The following ZBTB40 variants were observed in gnomAD, a reference collection of about 807,000 sequenced individuals.
The protein encoded by ZBTB40 is zinc finger and BTB domain-containing protein 40.
In ZBTB40, 60 loss-of-function variants were observed where a neutral mutation model predicts 117.5. That is an observed-to-expected ratio of 0.51 (90% CI 0.41 to 0.63). The LOEUF is 0.63. Ranked by LOEUF, ZBTB40 falls within the 30% of genes least tolerant of loss-of-function variation. The pLI is 0.00. For synonymous variants in ZBTB40, 525 were observed against 577.1 expected (o/e 0.91, Z 1.29); for missense variants, 1,287 against 1,498.5 (o/e 0.86, Z 2.33).
chr1:22,512,829 C>T, intron 11 of ZBTB40, 95 bp from the exon 12 acceptor site: 1 of 1,417,296 alleles, frequency 7.1e-7, no homozygotes, highest in Non-Finnish European at 9.9e-7. Context: ...CCTCTGGAGG[C>T]CTGGGCTGAG....
At chr1:22,437,394 G>A (rs1640683044) in intron 1 of ZBTB40, among the ~76,000 whole-genome samples, 1 of 150,180 alleles carries the variant, frequency 6.7e-6, no homozygotes, top group Non-Finnish European at 1.5e-5. Flanking sequence ...TTTTTTTATT[G>A]TGGCAAAATA....
At chr1:22,436,768 T>C (rs769685665) in intron 1 of ZBTB40, among the ~76,000 whole-genome samples, 1 of 152,188 alleles carries the variant, frequency 6.6e-6, no homozygotes, top group Non-Finnish European at 1.5e-5. Flanking sequence ...TTCGCTGATA[T>C]GAAATTCTAG....
At position 22,440,173 on chromosome 1, in the gene ZBTB40, C is replaced by A. The variant is rs141233712; in HGVS notation, c.-70+11159C>A. Among the ~76,000 whole-genome samples the A allele has an allele frequency of 6.4e-3, 977 of 152,112 alleles. 12 individuals are homozygous for A. Among genetic ancestry groups the A allele is most frequent in the African/African-American group, 0.022 (900 of 41,510 alleles). ...TGATTTTTGTGTGTTGACTTTGTAT[C>A]CTGCCACTTTGTTAAATTCATTTAT... On this transcript the variant is annotated intron_variant, in intron 1 of 8. Transcript: ENST00000650433.
intron 13 of ZBTB40, among the ~76,000 whole-genome samples, chr1:22,518,707 G>A (rs1002918677): frequency 6.6e-6 from 1 of 152,172 alleles, no homozygotes; most frequent in Admixed American, 6.5e-5. Context: ...GGTGATGCAG[G>A]GGGAAAATAA....
In ZBTB40 at chr1:22,437,667, CT is replaced by C. The variant is rs1221272903; in HGVS notation, c.-70+8654del. The stretch of plus-strand genomic sequence containing the variant: ...ACTCCTGACCTCAGGTGATTTGCCC[CT>C]CTCAGCCTCCCAAAGCGCTGGGATT... On this transcript the variant is annotated intron_variant, in intron 1 of 8. Transcript: ENST00000650433. 2.6e-5 allele frequency among the ~76,000 whole-genome samples: 4 copies of C among 151,884 alleles called. No individual in the cohort carries two copies. The East Asian group carries it at 7.8e-4, about 30-fold the overall frequency.
chr1:22,517,347 A>G lies in ZBTB40; in HGVS notation c.2716A>G (p.Ile906Val), dbSNP rs769369596. ...QYCDAVFAQS[I>V]ELSRHVRTHT... The stretch of plus-strand genomic sequence containing the variant: ...CTGTGATGCTGTGTTTGCCCAGTCT[A>G]TTGAGCTGTCCCGCCACGTGAGGAC... Residue 906 changes from isoleucine to valine, a missense_variant, in exon 13 of 18, where the codon ATT becomes GTT. Physicochemically the swap from Ile to Val is conservative, Grantham distance 29 (BLOSUM62 3). This residue lies in a region of ZBTB40 where 417 missense variants were observed against 564.1 expected (regional missense o/e 0.74). Transcript: ENST00000375647. 2 of 1,614,198 alleles carry G rather than the reference A, an allele frequency of 1.2e-6. No homozygotes were observed. The highest frequency in any genetic ancestry group is 1.7e-6 in the Non-Finnish European group (2 of 1,180,042).
At chr1:22,517,150 G>T in intron 12 of ZBTB40, 150 bp from the exon 13 acceptor site, 1 of 1,109,964 alleles carries the variant, frequency 9.0e-7, no homozygotes, top group Non-Finnish European at 1.3e-6. Context: ...AGACGGCTCA[G>T]ATCTCACCCA....
At chr1:22,461,404 C>T (rs1641129296) in intron 1 of ZBTB40, among the ~76,000 whole-genome samples, 1 of 149,470 alleles carries the variant, frequency 6.7e-6, no homozygotes, top group Non-Finnish European at 1.5e-5. Context: ...CATTTTTGAG[C>T]AAATACTATA....
At chr1:22,506,292 T>A in intron 6 of ZBTB40, 51 bp downstream of exon 6, 1 of 1,597,896 alleles carries the variant, frequency 6.3e-7, no homozygotes, top group Non-Finnish European at 8.6e-7. Context: ...TCCAGAAAAT[T>A]GTAGCTTGAA....
At chr1:22,507,866 C>T in intron 6 of ZBTB40, 135 bp from the exon 7 acceptor site, 1 of 1,336,300 alleles carries the variant, frequency 7.5e-7, no homozygotes, top group Non-Finnish European at 1.1e-6. Flanking sequence ...GTATGAGGCC[C>T]CAAGCCAGGG....
chr1:22,521,618 C>A lies in ZBTB40; in HGVS notation c.3171C>A (p.Asn1057Lys), dbSNP rs755999273. The change falls in exon 15 of 18, where the codon AAC (asparagine) becomes AAA (lysine). Residue 1057 changes from asparagine (N) to lysine (K), a missense_variant. Physicochemically the swap from Asn to Lys is moderately conservative, Grantham distance 94. Around this residue, in one of 2 missense-constraint regions of ZBTB40, gnomAD observed 417 missense variants for 564.1 expected, o/e 0.74. Transcript: ENST00000375647. ...QCSSCDKTFP[N>K]TIEHKKHIKA... ...GCTCCTGTGACAAAACCTTCCCCAA[C>A]ACCATTGAGCACAAGAAGCACATCA... is the stretch of plus-strand genomic sequence containing the variant. The A allele has an allele frequency of 6.2e-6, 10 of 1,614,104 alleles. No individual in the cohort carries two copies. The highest frequency in any genetic ancestry group is 1.3e-5 in the African/African-American group (1 of 74,942).
In ZBTB40 at chr1:22,501,611, A is replaced by G. The variant is rs777496405; in HGVS notation, c.951A>G (p.Gln317=). The change falls in exon 4 of 18, where the codon CAA becomes CAG. Residue 317 remains glutamine (Q), a synonymous_variant. Coordinates refer to ENST00000375647, the MANE Select transcript of ZBTB40 (RefSeq NM_014870.4). ...QTVVSLLRLY[Q]YSNPAVKTAL... ...TTGTGTCCCTGTTGAGGCTGTACCA[A>G]TATTCTAATCCTGCAGTAAAAACAG... 1.8e-5 allele frequency: 29 copies of G among 1,614,052 alleles called. No individual in the cohort carries two copies. In the Admixed American group the frequency reaches 3.8e-4, roughly 21 times the overall value.
chr1:22,508,510 G>A lies in ZBTB40; in HGVS notation c.1498-20G>A, dbSNP rs369562790. The A allele has an allele frequency of 6.1e-4, 986 of 1,613,846 alleles. No homozygotes were observed. Among genetic ancestry groups the A allele is most frequent in the Non-Finnish European group, 8.1e-4 (957 of 1,179,820 alleles). ...TGGCTGGAGAGTCTCTTACGTGAGT[G>A]TTTGTGTTACATCTTGAAGGTCATG... On this transcript the variant is annotated intron_variant, in intron 7 of 17. Coordinates refer to ENST00000375647, the MANE Select transcript of ZBTB40 (RefSeq NM_014870.4).
chr1:22,515,221 C>A (rs1639344070), intron 12 of ZBTB40, among the ~76,000 whole-genome samples: 1 of 152,130 alleles, frequency 6.6e-6, no homozygotes, highest in South Asian at 2.1e-4. Context: ...GCATGAGAGA[C>A]CACAGAAAAC....
chr1:22,466,369 T>A (rs931350515), intron 1 of ZBTB40, among the ~76,000 whole-genome samples: 2 of 152,180 alleles, frequency 1.3e-5, no homozygotes, highest in African/African-American at 4.8e-5. Flanking sequence ...TTTGAGTGGA[T>A]CCATGTTTTC....
chr1:22,474,585 T>C lies in ZBTB40; in HGVS notation c.-69-15295T>C, dbSNP rs114441817. The stretch of plus-strand genomic sequence containing the variant: ...TTTTGTGTGTAGCAAACCCCTCATT[T>C]CTTGTTTCTGAATGTGTGATCTTTG... On this transcript the variant is annotated intron_variant, in intron 1 of 17. Transcript: ENST00000375647. 8.9e-3 allele frequency among the ~76,000 whole-genome samples: 1,355 copies of C among 152,330 alleles called. 10 individuals carry two copies. The highest frequency in any genetic ancestry group is 0.031 in the African/African-American group (1,285 of 41,568).
chr1:22,480,541 G>A (rs532379119), intron 1 of ZBTB40, among the ~76,000 whole-genome samples: 123 of 151,544 alleles, frequency 8.1e-4, no homozygotes, highest in African/African-American at 2.8e-3. Flanking sequence ...TAGTAGAGAC[G>A]GGGTTTCATC....
At position 22,526,502 on chromosome 1, in the gene ZBTB40, A is replaced by G; in HGVS notation, c.*106A>G. The G allele has an allele frequency of 7.1e-7, 1 of 1,417,324 alleles. No individual in the cohort carries two copies. Among genetic ancestry groups the G allele is most frequent in the Non-Finnish European group, 9.8e-7 (1 of 1,016,426 alleles). 87.8% of individuals were successfully genotyped at this position (1,417,324 alleles called of 1,614,324 possible). ...GGCTGTCCTGAGTGGTGAGCATCTTAGCTTAGCACCAACCAACACAGTCTC... is the reference window on the plus strand; with the variant it reads ...GGCTGTCCTGAGTGGTGAGCATCTTGGCTTAGCACCAACCAACACAGTCTC... On this transcript the variant is annotated 3_prime_UTR_variant, in exon 18 of 18. Coordinates refer to ENST00000375647, the MANE Select transcript of ZBTB40 (RefSeq NM_014870.4).
At chr1:22,455,952 C>A (rs1640995589) in intron 1 of ZBTB40, among the ~76,000 whole-genome samples, 2 of 152,100 alleles carry the variant, frequency 1.3e-5, no homozygotes. Flanking sequence ...ATTTACATTA[C>A]CCTTCTCGAG....
Sources: allele counts gnomAD v4.1 joint callset (sites outside exome capture counted in the v4.1 genomes callset), GRCh38; gene constraint gnomAD v4.1.1; regional missense constraint gnomAD v4.1.1; transcripts MANE v1.5; gene names NCBI Gene and HGNC (gene_info 2026-07-23, HGNC 2026-07-21).